EDA: variants seen among roughly 807,000 people sequenced by gnomAD.
EDA encodes the protein ectodysplasin-A.
In EDA, 2 loss-of-function variants were observed where a neutral mutation model predicts 23.6. That is an observed-to-expected ratio of 0.08 (90% CI 0.03 to 0.27). The LOEUF (loss-of-function observed/expected upper bound fraction) is 0.27. Among genes scored for constraint, EDA ranks in the 10% least tolerant of loss-of-function variants. The pLI is 1.00. For missense variants in EDA, 229 were observed against 324.2 expected, an observed-to-expected ratio of 0.71 and a Z score of 2.26; for synonymous variants, 131 against 132.0, an observed-to-expected ratio of 0.99 and a Z score of 0.05.
At chrX:70,026,865 G>A (rs1253817447) in intron 3 of EDA, among the ~76,000 whole-genome samples, 4 of 108,357 alleles carry the variant, frequency 3.7e-5, no homozygotes, top group African/African-American at 1.4e-4. Context: ...TCCTCTTTCC[G>A]TGCCCCTCTT....
At chrX:69,821,994 A>G (rs1602444432) in intron 1 of EDA, among the ~76,000 whole-genome samples, 1 of 111,368 alleles carries the variant, frequency 9.0e-6, no homozygotes, top group African/African-American at 3.3e-5. Context: ...TTTACTGAAA[A>G]TTGGGAGGCC....
chrX:69,666,703 T>C (rs1204337326), intron 1 of EDA, among the ~76,000 whole-genome samples: 1 of 112,291 alleles, frequency 8.9e-6, no homozygotes, highest in African/African-American at 3.2e-5. Context: ...TTCCTAATAT[T>C]TTATTGAGGA....
chrX:69,935,522 AGTAATACCCTCT>A (rs1165266122), intron 1 of EDA, among the ~76,000 whole-genome samples: 2 of 111,807 alleles, frequency 1.8e-5, no homozygotes, highest in African/African-American at 6.5e-5. Flanking sequence ...TTTAAAAACA[AGTAATACCCTCT>A]GTTTTGAAAA....
intron 1 of EDA, among the ~76,000 whole-genome samples, chrX:69,754,287 T>A (rs777775959): frequency 1.8e-5 from 2 of 111,526 alleles, no homozygotes; most frequent in East Asian, 5.6e-4. Flanking sequence ...TCAGCATTTG[T>A]TTGTCTGTAA....
At chrX:69,617,084 A>C in intron 1 of EDA, 1 of 336,330 alleles carries the variant, frequency 3.0e-6, no homozygotes, top group Non-Finnish European at 5.3e-6. Context: ...TTTCGTGTCT[A>C]GAGCTGATGC....
rs928696833 is a variant in EDA at position 69,659,725 on chromosome X, T to C, written c.396+43021T>C. Among the ~76,000 whole-genome samples the C allele has an allele frequency of 2.7e-5, 3 of 111,705 alleles. No homozygotes were observed. In the Admixed American group the frequency reaches 2.9e-4, roughly 11 times the overall value. On this transcript the variant is annotated intron_variant, in intron 1 of 7. Transcript: ENST00000374552. ...ATTTGTAGTAATAAATTCTTTCTTT[T>C]TGCTATCTTGTAATACAAAAATTCT...
At chrX:69,891,720 C>T (rs1197108654) in intron 1 of EDA, among the ~76,000 whole-genome samples, 1 of 105,474 alleles carries the variant, frequency 9.5e-6, no homozygotes, top group East Asian at 7.0e-4. Flanking sequence ...GATGAGAACA[C>T]ATGGACACAT....
At chrX:69,670,289 C>A in intron 1 of EDA, 1 of 330,280 alleles carries the variant, frequency 3.0e-6, no homozygotes, top group Non-Finnish European at 5.2e-6. Context: ...AATGGATATT[C>A]CTTTGTATGT....
intron 1 of EDA, among the ~76,000 whole-genome samples, chrX:69,707,441 C>A: frequency 8.9e-6 from 1 of 112,148 alleles, no homozygotes; most frequent in Middle Eastern, 4.6e-3. Context: ...TGTATAAAAA[C>A]TGACAGTTTA....
At chrX:69,861,845 A>G (rs148828516) in intron 1 of EDA, among the ~76,000 whole-genome samples, 41 of 111,957 alleles carry the variant, frequency 3.7e-4, no homozygotes, top group African/African-American at 1.2e-3. Flanking sequence ...GATAAAAATG[A>G]TAAGAATCCA....
intron 1 of EDA, among the ~76,000 whole-genome samples, chrX:69,775,646 AC>A (rs1402406925): frequency 9.0e-6 from 1 of 111,637 alleles, no homozygotes; most frequent in Non-Finnish European, 1.9e-5. Flanking sequence ...GTAAATACTC[AC>A]CTAATTGGTA....
chrX:69,895,880 CTCTTTTAAATAA>C (rs1225081243), intron 1 of EDA, among the ~76,000 whole-genome samples: 1 of 112,402 alleles, frequency 8.9e-6, no homozygotes, highest in East Asian at 2.8e-4. Flanking sequence ...CAAGTCTATT[CTCTTTTAAATAA>C]ATTACTTGAG....
At chrX:69,750,392 T>G (rs1448060757) in intron 1 of EDA, among the ~76,000 whole-genome samples, 1 of 109,755 alleles carries the variant, frequency 9.1e-6, no homozygotes, top group Non-Finnish European at 1.9e-5. Flanking sequence ...ATGGTGTATA[T>G]GTGCCACATT....
At chrX:69,845,622 C>G (rs1054975705) in intron 1 of EDA, among the ~76,000 whole-genome samples, 21 of 112,021 alleles carry the variant, frequency 1.9e-4, no homozygotes, top group African/African-American at 6.8e-4. Context: ...CCTCAAGAAT[C>G]TCTGATTTTT....
intron 1 of EDA, among the ~76,000 whole-genome samples, chrX:69,681,988 A>G (rs1428753896): frequency 9.1e-6 from 1 of 109,749 alleles, no homozygotes; most frequent in African/African-American, 3.3e-5. Context: ...CGTGATGTAC[A>G]GATGGGTTTT....
intron 1 of EDA, among the ~76,000 whole-genome samples, chrX:69,776,184 AC>A (rs1307089748): frequency 8.9e-6 from 1 of 112,067 alleles, no homozygotes; most frequent in Non-Finnish European, 1.9e-5. Context: ...GAATAGTTGA[AC>A]AGATGTGCAG....
rs1172231871 is a variant in EDA at position 69,729,632 on chromosome X, G to A, written c.396+112928G>A. ...CATAAGTCAAATCGTGTCCCTCTTT[G>A]CTCTCATTGGCTTCTCATCTTACTG... On this transcript the variant is annotated intron_variant, in intron 1 of 7. Coordinates refer to ENST00000374552, the MANE Select transcript of EDA (RefSeq NM_001399.5). Among the ~76,000 whole-genome samples, 4 of 111,547 alleles carry A rather than the reference G, an allele frequency of 3.6e-5. No homozygotes were observed. The Admixed American group carries it at 3.8e-4, about 11-fold the overall frequency.
chrX:69,695,663 C>A (rs2011313613), intron 1 of EDA, among the ~76,000 whole-genome samples: 1 of 108,040 alleles, frequency 9.3e-6, no homozygotes, highest in African/African-American at 3.4e-5. Flanking sequence ...GTGCCCGCTA[C>A]CACGCCCAGC....
intron 2 of EDA, among the ~76,000 whole-genome samples, chrX:70,014,596 A>G (rs191481785): frequency 2.6e-4 from 29 of 112,401 alleles, no homozygotes; most frequent in Middle Eastern, 4.6e-3. Flanking sequence ...AATGGCTGGA[A>G]TGATAGTCAT....
Sources: gnomAD v4.1 joint callset for allele counts (sites outside exome capture counted in the v4.1 genomes callset) on GRCh38, gnomAD v4.1.1 for gene constraint, MANE v1.5 for transcripts, NCBI Gene and HGNC (gene_info 2026-07-23, HGNC 2026-07-21) for gene names.